Variants in CLRN1 observed in about 807,000 individuals in gnomAD.
The protein encoded by CLRN1 is clarin-1.
Under a neutral mutation model 18.7 loss-of-function variants are expected in CLRN1, and 15 were observed. That is an observed-to-expected ratio of 0.80 (90% CI 0.54 to 1.23). The LOEUF (loss-of-function observed/expected upper bound fraction) is 1.23. Ranked by LOEUF, CLRN1 falls within the 50% of genes most tolerant of loss-of-function variation. The pLI, the probability that CLRN1 is intolerant of heterozygous loss-of-function variation, is 0.00. For synonymous variants in CLRN1, 104 were observed against 102.9 expected (o/e 1.01, Z -0.07); for missense variants, 311 against 277.5 (o/e 1.12, Z -0.86).
chr3:150,951,553 G>C (rs779589653), intron 1 of CLRN1, among the ~76,000 whole-genome samples: 6 of 152,090 alleles, frequency 3.9e-5, no homozygotes, highest in Non-Finnish European at 5.9e-5. Flanking sequence ...GGCCAGGCTG[G>C]TCTCGAACTC....
intron 2 of CLRN1, among the ~76,000 whole-genome samples, chr3:150,937,229 A>G (rs1243750943): frequency 1.3e-5 from 2 of 152,160 alleles, no homozygotes; most frequent in Non-Finnish European, 2.9e-5. Context: ...AATTATTGAT[A>G]TACACTTTTG....
In CLRN1 at chr3:150,927,608, A is replaced by G. The variant is rs1712876806; in HGVS notation, c.*328T>C. Reference sequence around the variant, plus strand: ...AAAATATATTCCATGTGCCTTTGATATCTTTTTGATAGGAAGACATCTTAC... The same window carrying G: ...AAAATATATTCCATGTGCCTTTGATGTCTTTTTGATAGGAAGACATCTTAC... On this transcript the variant is annotated 3_prime_UTR_variant, in exon 3 of 3. Transcript: ENST00000327047. The G allele has an allele frequency of 4.0e-6, 2 of 495,140 alleles. No individual in the cohort carries two copies. The highest frequency in any genetic ancestry group is 1.6e-5 in the South Asian group (1 of 64,302). 30.7% of individuals were successfully genotyped at this position (495,140 alleles called of 1,614,324 possible). A position where few individuals can be genotyped will look rare whatever the true frequency, so the allele number is the denominator to read the frequency against.
chr3:150,939,797 G>A (rs1436233535), intron 2 of CLRN1, among the ~76,000 whole-genome samples: 1 of 152,204 alleles, frequency 6.6e-6, no homozygotes, highest in Non-Finnish European at 1.5e-5. Flanking sequence ...TTGGTGAGCA[G>A]AAGTAATCCC....
At position 150,972,344 on chromosome 3, in the gene CLRN1, C is replaced by T. The variant is rs891822254; in HGVS notation, c.253+112G>A. 8 of 1,389,312 alleles carry T rather than the reference C, an allele frequency of 5.8e-6. No homozygotes were observed. In the Admixed American group the frequency reaches 1.3e-4, roughly 23 times the overall value. The allele number at this position is 1,389,312 out of a possible 1,614,324, so 86.1% of individuals were successfully genotyped here. On this transcript the variant is annotated intron_variant, in intron 1 of 2. Coordinates refer to ENST00000327047, the MANE Select transcript of CLRN1 (RefSeq NM_174878.3). ...CATAGGTTTTTCATATGGTTCACAC[C>T]GATTTAAAAAGTCCTGCAGTAAACA... is the stretch of plus-strand genomic sequence containing the variant.
intron 1 of CLRN1, among the ~76,000 whole-genome samples, chr3:150,956,625 C>T (rs761173895): frequency 2.3e-4 from 35 of 152,126 alleles, no homozygotes; most frequent in African/African-American, 6.5e-4. Flanking sequence ...AAGTTAATGA[C>T]TCGGAGTGAA....
At chr3:150,935,101 T>A (rs1040461638) in intron 2 of CLRN1, among the ~76,000 whole-genome samples, 3 of 151,712 alleles carry the variant, frequency 2.0e-5, no homozygotes, top group Admixed American at 2.0e-4. Context: ...TCAGTGTTCT[T>A]CAGGAATTGG....
intron 1 of CLRN1, among the ~76,000 whole-genome samples, chr3:150,952,837 A>G (rs1714561290): frequency 6.6e-6 from 1 of 152,228 alleles, no homozygotes; most frequent in Non-Finnish European, 1.5e-5. Context: ...CATGTGGAGC[A>G]GTTTAATTCT....
At chr3:150,939,621 G>T (rs974856198) in intron 2 of CLRN1, among the ~76,000 whole-genome samples, 4 of 152,270 alleles carry the variant, frequency 2.6e-5, no homozygotes, top group African/African-American at 9.6e-5. Context: ...CTGGGGTAGG[G>T]CCTGAGAATT....
chr3:150,963,066 C>T (rs1715106517), intron 1 of CLRN1, among the ~76,000 whole-genome samples: 1 of 152,072 alleles, frequency 6.6e-6, no homozygotes, highest in East Asian at 1.9e-4. Context: ...CTGGCCAGGG[C>T]AAACAGGCAA....
rs1173808500 is a variant in CLRN1, at chr3:150,938,710, C to T, written c.433+2872G>A. 3.3e-5 allele frequency among the ~76,000 whole-genome samples: 5 copies of T among 152,142 alleles called. No individual in the cohort carries two copies. In the East Asian group the frequency reaches 9.6e-4, roughly 29 times the overall value. On this transcript the variant is annotated intron_variant, in intron 2 of 2. Transcript: ENST00000327047. ...CTGCAAGACACAGATCTGGAGCTGG[C>T]TCCTTCCCTTCCTTTCTCCCCTTCT...
intron 1 of CLRN1, among the ~76,000 whole-genome samples, chr3:150,950,110 T>G (rs955444033): frequency 1.4e-4 from 22 of 152,208 alleles, no homozygotes; most frequent in Non-Finnish European, 3.2e-4. Flanking sequence ...GCTAGCCATA[T>G]GCAGAATATT....
intron 2 of CLRN1, among the ~76,000 whole-genome samples, chr3:150,938,692 A>T (rs1713629485): frequency 6.6e-6 from 1 of 152,154 alleles, no homozygotes; most frequent in African/African-American, 2.4e-5. Flanking sequence ...CCTCTGCAAG[A>T]CACAGATCTG....
At chr3:150,942,920 G>C (rs1713941325) in intron 1 of CLRN1, among the ~76,000 whole-genome samples, 1 of 152,028 alleles carries the variant, frequency 6.6e-6, no homozygotes, top group Non-Finnish European at 1.5e-5. Context: ...AGCTTGAGTT[G>C]CCAAGAAGTC....
At chr3:150,959,803 T>G (rs1047119105) in intron 1 of CLRN1, among the ~76,000 whole-genome samples, 5 of 152,204 alleles carry the variant, frequency 3.3e-5, no homozygotes, top group African/African-American at 1.2e-4. Flanking sequence ...TTCTATCTGC[T>G]GGGGTTTTCT....
intron 1 of CLRN1, among the ~76,000 whole-genome samples, chr3:150,943,397 C>T (rs1713970440): frequency 6.6e-6 from 1 of 152,178 alleles, no homozygotes; most frequent in African/African-American, 2.4e-5. Flanking sequence ...CAGACTCAGC[C>T]AGTAGAGAGG....
chr3:150,972,759 A>G (rs1249578267), upstream of CLRN1: 1 of 1,613,480 alleles, frequency 6.2e-7, no homozygotes, highest in Non-Finnish European at 8.5e-7. Flanking sequence ...GACCTTTGTG[A>G]GCAATGGGAA....
chr3:150,970,327 C>T (rs889293748), intron 1 of CLRN1, among the ~76,000 whole-genome samples: 7 of 152,224 alleles, frequency 4.6e-5, no homozygotes, highest in South Asian at 2.1e-4. Context: ...CACAAAGCTG[C>T]GTTGCAATGG....
intron 1 of CLRN1, among the ~76,000 whole-genome samples, chr3:150,967,584 T>G (rs1000076226): frequency 6.6e-6 from 1 of 152,116 alleles, no homozygotes; most frequent in Non-Finnish European, 1.5e-5. Context: ...AGGCTTCCCC[T>G]TTACACACCC....
At chr3:150,945,665 C>G (rs1301715064) in intron 1 of CLRN1, 1 of 1,271,974 alleles carries the variant, frequency 7.9e-7, no homozygotes, top group East Asian at 5.6e-5. Flanking sequence ...TTTAGTTGTA[C>G]TACATTTCCT....
Sources: allele counts gnomAD v4.1 joint callset (sites outside exome capture counted in the v4.1 genomes callset), GRCh38; gene constraint gnomAD v4.1.1; transcripts MANE v1.5; gene names NCBI Gene and HGNC (gene_info 2026-07-23, HGNC 2026-07-21).